Variants in TAS2R8 observed in about 807,000 individuals in gnomAD.
The protein encoded by TAS2R8 is taste 2 receptor member 8, also known as taste receptor type 2 member 8.
For missense variants in TAS2R8, 396 were observed against 358.1 expected (o/e 1.11, Z -0.85); for synonymous variants, 139 against 123.9 (o/e 1.12, Z -0.81).
chr12:10,806,093 A>G lies in TAS2R8; in HGVS notation c.888T>C (p.Phe296=), dbSNP rs746033652. The stretch of plus-strand genomic sequence containing the variant: ...TTTTTCTACATGTCAGCATTCTGAC[A>G]AATGTCTGCCTCAGTTTATTATTTA... ...IVLNNKLRQT[F]VRMLTCRKIA... The change falls in exon 1 of 1, where the codon TTT becomes TTC. Residue 296 remains phenylalanine, a synonymous_variant. Coordinates refer to ENST00000240615, the MANE Select transcript of TAS2R8 (RefSeq NM_023918.3). The G allele has an allele frequency of 1.9e-6, 3 of 1,607,480 alleles. No individual in the cohort carries two copies. The highest frequency in any genetic ancestry group is 2.5e-6 in the Non-Finnish European group (3 of 1,178,166).
rs868042630 is a variant in TAS2R8, at chr12:10,807,106, G to A, written c.-126C>T. On this transcript the variant is annotated 5_prime_UTR_variant, in exon 1 of 1. Transcript: ENST00000240615. ...TAATGTTTTCATCTGCTGTTATTTC[G>A]ACGTTGTTATTCTTCCGGAAGTGTT... is the stretch of plus-strand genomic sequence containing the variant. The A allele has an allele frequency of 1.1e-5, 9 of 799,082 alleles. No homozygotes were observed. The highest frequency in any genetic ancestry group is 7.0e-5 in the African/African-American group (4 of 57,526). 49.5% of individuals were successfully genotyped at this position (799,082 alleles called of 1,614,324 possible). A position where few individuals can be genotyped will look rare whatever the true frequency, so the allele number is the denominator to read the frequency against.
chr12:10,806,985 G>A lies in TAS2R8; in HGVS notation c.-5C>T, dbSNP rs779011775. 1 of 1,580,824 alleles carries A rather than the reference G, an allele frequency of 6.3e-7. No individual in the cohort carries two copies. The highest frequency in any genetic ancestry group is 1.8e-5 in the Admixed American group (1 of 56,184). On this transcript the variant is annotated 5_prime_UTR_variant, in exon 1 of 1. Coordinates refer to ENST00000240615, the MANE Select transcript of TAS2R8 (RefSeq NM_023918.3). ...GTTATCTGCAGGACTGAACATGTTT[G>A]TAGAGAGAACAATCTGATTTCAAAT...
Position 10,806,184 on chromosome 12 carries a change from G to A in TAS2R8, c.797C>T (p.Ala266Val), listed in dbSNP as rs1311740975. 11 of 1,613,580 alleles carry A rather than the reference G, an allele frequency of 6.8e-6. No homozygotes were observed. The highest frequency in any genetic ancestry group is 9.3e-6 in the Non-Finnish European group (11 of 1,179,798). The change falls in exon 1 of 1, where the codon GCT becomes GTT. Residue 266 changes from alanine (A) to valine (V), a missense_variant. Coordinates refer to ENST00000240615, the MANE Select transcript of TAS2R8 (RefSeq NM_023918.3). Reference sequence around the variant, plus strand: ...TGCTGCAATCTCTCCAAACTCCACAGCTAACTTGTATTTTGTCATAAGATA... The same window carrying A: ...TGCTGCAATCTCTCCAAACTCCACAACTAACTTGTATTTTGTCATAAGATA... ...FSYLMTKYKLAVEFGEIAAIL... is the reference protein window; with the variant it reads ...FSYLMTKYKLVVEFGEIAAIL...
rs570466081 is a variant in TAS2R8 at position 10,806,707 on chromosome 12, C to T, written c.274G>A (p.Ala92Thr). The change falls in exon 1 of 1, where the codon GCC becomes ACC. Residue 92 changes from alanine to threonine, a missense_variant. Ala to Thr is a moderately conservative substitution (Grantham distance 58). Transcript: ENST00000240615. The part of the protein sequence containing the change: ...QIVIFTFWTF[A>T]NYLNMWITTC... ...GTAATCCACATATTTAAGTAGTTGG[C>T]AAATGTCCAGAAGGTAAAAATGACT... 3.1e-6 allele frequency: 5 copies of T among 1,613,888 alleles called. No homozygotes were observed. In the East Asian group the frequency reaches 1.1e-4, roughly 36 times the overall value.
At chr12:10,806,176 ACTCCACAG>A in the TAS2R8 span, 1 of 1,613,566 alleles carries the variant, frequency 6.2e-7, no homozygotes, top group East Asian at 2.2e-5. Flanking sequence ...ATCTCTCCAA[ACTCCACAG>A]CTAACTTGTA....
chr12:10,807,140 C>T lies in TAS2R8; in HGVS notation c.-160G>A. The T allele has an allele frequency of 1.6e-6, 1 of 633,740 alleles. No homozygotes were observed. The highest frequency in any genetic ancestry group is 2.6e-6 in the Non-Finnish European group (1 of 378,780). The allele number at this position is 633,740 out of a possible 1,614,324, so 39.3% of individuals were successfully genotyped here. A position where few individuals can be genotyped will look rare whatever the true frequency, so the allele number is the denominator to read the frequency against. On this transcript the variant is annotated 5_prime_UTR_variant, in exon 1 of 1. Coordinates refer to ENST00000240615, the MANE Select transcript of TAS2R8 (RefSeq NM_023918.3). ...ATTCTTCCGGAAGTGTTCAGCTCTC[C>T]TCTGAAATAGGATTGTCTCTACACT...
Position 10,807,146 on chromosome 12 carries a change from A to G in TAS2R8, c.-166T>C. The G allele has an allele frequency of 1.6e-6, 1 of 618,638 alleles. No individual in the cohort carries two copies. Among genetic ancestry groups the G allele is most frequent in the African/African-American group, 1.9e-5 (1 of 54,030 alleles). 38.3% of individuals were successfully genotyped at this position (618,638 alleles called of 1,614,324 possible). ...CCGGAAGTGTTCAGCTCTCCTCTGA[A>G]ATAGGATTGTCTCTACACTCCTGAA... On this transcript the variant is annotated 5_prime_UTR_variant, in exon 1 of 1. Transcript: ENST00000240615.
At position 10,807,173 on chromosome 12, in the gene TAS2R8, A is replaced by C; in HGVS notation, c.-193T>G. 1 of 520,756 alleles carries C rather than the reference A, an allele frequency of 1.9e-6. No individual in the cohort carries two copies. The highest frequency in any genetic ancestry group is 3.3e-6 in the Non-Finnish European group (1 of 302,244). 32.3% of individuals were successfully genotyped at this position (520,756 alleles called of 1,614,324 possible). A position where few individuals can be genotyped will look rare whatever the true frequency, so the allele number is the denominator to read the frequency against. Reference sequence around the variant, plus strand: ...TAGGATTGTCTCTACACTCCTGAAGATGAAACCAACTAATGAGCAGCTTGA... The same window carrying C: ...TAGGATTGTCTCTACACTCCTGAAGCTGAAACCAACTAATGAGCAGCTTGA... On this transcript the variant is annotated 5_prime_UTR_variant, in exon 1 of 1. Transcript: ENST00000240615.
Position 10,806,824 on chromosome 12 carries a change from T to C in TAS2R8, c.157A>G (p.Ile53Val), listed in dbSNP as rs1254761701. 3 of 1,613,792 alleles carry C rather than the reference T, an allele frequency of 1.9e-6. No individual in the cohort carries two copies. The highest frequency in any genetic ancestry group is 1.3e-5 in the African/African-American group (1 of 74,928). The change falls in exon 1 of 1, where the codon ATC becomes GTC. Residue 53 changes from isoleucine to valine, a missense_variant. Ile to Val is a conservative substitution (Grantham distance 29, BLOSUM62 3). Transcript: ENST00000240615. ...ACACTGATCAAACAAATTCTGGCGA[T>C]AACTAAATTGGTAAGGATGTAGTCA... ...TVDYILTNLV[I>V]ARICLISVMV... is the part of the protein sequence containing the mutation.
In TAS2R8 at chr12:10,806,409, A is replaced by T. The variant is rs1235474510; in HGVS notation, c.572T>A (p.Ile191Asn). 3 of 1,613,706 alleles carry T rather than the reference A, an allele frequency of 1.9e-6. No homozygotes were observed. The highest frequency in any genetic ancestry group is 2.5e-6 in the Non-Finnish European group (3 of 1,179,848). Residue 191 changes from isoleucine to asparagine, a missense_variant, in exon 1 of 1, where the codon ATT (isoleucine) becomes AAT (asparagine). Coordinates refer to ENST00000240615, the MANE Select transcript of TAS2R8 (RefSeq NM_023918.3). ...EPLTLFNLFAIVPFIVSLISF... is the reference protein window; with the variant it reads ...EPLTLFNLFANVPFIVSLISF... ...TATCAGTGACACAATAAATGGGACA[A>T]TTGCAAACAGGTTAAAGAGAGTCAA...
rs972863299 is a variant in TAS2R8 at position 10,807,084 on chromosome 12, T to C, written c.-104A>G. ...ATCAATTCTTCGAATCATGCAATAATGTTTTCATCTGCTGTTATTTCGACG... is the reference window on the plus strand; with the variant it reads ...ATCAATTCTTCGAATCATGCAATAACGTTTTCATCTGCTGTTATTTCGACG... On this transcript the variant is annotated 5_prime_UTR_variant, in exon 1 of 1. Coordinates refer to ENST00000240615, the MANE Select transcript of TAS2R8 (RefSeq NM_023918.3). 39 of 910,164 alleles carry C rather than the reference T, an allele frequency of 4.3e-5. No individual in the cohort carries two copies. The Middle Eastern group carries it at 1.0e-3, about 23-fold the overall frequency. The allele number at this position is 910,164 out of a possible 1,614,324, so 56.4% of individuals were successfully genotyped here. A position where few individuals can be genotyped will look rare whatever the true frequency, so the allele number is the denominator to read the frequency against.
chr12:10,806,283 G>T lies in TAS2R8; in HGVS notation c.698C>A (p.Ala233Asp). The T allele has an allele frequency of 1.9e-6, 3 of 1,613,598 alleles. No homozygotes were observed. The highest frequency in any genetic ancestry group is 1.3e-5 in the African/African-American group (1 of 75,004). The change falls in exon 1 of 1, where the codon GCC becomes GAC. Residue 233 changes from alanine (A) to aspartate (D), a missense_variant. Transcript: ENST00000240615. Reference sequence around the variant, plus strand: ...GATAAATGAAGTCATAGTTTTAATGGCTCTCACATGAACTTCTGTGCTGGG... The same window carrying T: ...GATAAATGAAGTCATAGTTTTAATGTCTCTCACATGAACTTCTGTGCTGGG... ...RDPSTEVHVR[A>D]IKTMTSFIFF...
the TAS2R8 span, chr12:10,806,886 C>T: frequency 6.2e-7 from 1 of 1,612,766 alleles, no homozygotes; most frequent in Non-Finnish European, 8.5e-7. Flanking sequence ...CCAGTCAATC[C>T]AGTTGACTAG....
In TAS2R8 at chr12:10,807,248, G is replaced by A; in HGVS notation, c.-268C>T. On this transcript the variant is annotated 5_prime_UTR_variant, in exon 1 of 1. Coordinates refer to ENST00000240615, the MANE Select transcript of TAS2R8 (RefSeq NM_023918.3). ...TTATAATTATTATCCTTTAGTGAGT[G>A]ATACCTGAAATGTTTGGCTGAAATT... The A allele has an allele frequency of 2.9e-6, 1 of 341,462 alleles. No homozygotes were observed. Among genetic ancestry groups the A allele is most frequent in the East Asian group, 4.6e-5 (1 of 21,522 alleles). 21.2% of individuals were successfully genotyped at this position (341,462 alleles called of 1,614,324 possible). A position where few individuals can be genotyped will look rare whatever the true frequency, so the allele number is the denominator to read the frequency against.
chr12:10,806,148 G>A lies in TAS2R8; in HGVS notation c.833C>T (p.Pro278Leu). Reference sequence around the variant, plus strand: ...AATTAAAATAAGTGAGTGACCCAAGGGGTAGAGAATTGCTGCAATCTCTCC... The same window carrying A: ...AATTAAAATAAGTGAGTGACCCAAGAGGTAGAGAATTGCTGCAATCTCTCC... The part of the protein sequence containing the change: ...EFGEIAAILY[P>L]LGHSLILIVL... The change falls in exon 1 of 1, where the codon CCC (proline) becomes CTC (leucine). Residue 278 changes from proline (P) to leucine (L), a missense_variant. Transcript: ENST00000240615. The A allele has an allele frequency of 6.2e-7, 1 of 1,613,316 alleles. No homozygotes were observed. Among genetic ancestry groups the A allele is most frequent in the Non-Finnish European group, 8.5e-7 (1 of 1,179,738 alleles).
rs183665835 is a variant in TAS2R8, at chr12:10,807,167, C to T, written c.-187G>A. 2.2e-3 allele frequency: 1,189 copies of T among 538,882 alleles called. 2 individuals are homozygous for T. Among genetic ancestry groups the T allele is most frequent in the South Asian group, 0.012 (369 of 30,108 alleles). The allele number at this position is 538,882 out of a possible 1,614,324, so 33.4% of individuals were successfully genotyped here. On this transcript the variant is annotated 5_prime_UTR_variant, in exon 1 of 1. Transcript: ENST00000240615. The stretch of plus-strand genomic sequence containing the variant: ...CTGAAATAGGATTGTCTCTACACTC[C>T]TGAAGATGAAACCAACTAATGAGCA...
the TAS2R8 span, chr12:10,806,619 C>T: frequency 1.9e-6 from 3 of 1,613,802 alleles, no homozygotes; most frequent in Non-Finnish European, 2.5e-6. Flanking sequence ...CCACTTCAGC[C>T]AGAGAAAAAG....
At position 10,806,653 on chromosome 12, in the gene TAS2R8, T is replaced by G. The variant is rs188656178; in HGVS notation, c.328A>C (p.Lys110Gln). 14 of 1,613,952 alleles carry G rather than the reference T, an allele frequency of 8.7e-6. No individual in the cohort carries two copies. The South Asian group carries it at 1.4e-4, about 16-fold the overall frequency. ...TTCLNVFYFL[K>Q]IASSSHPLFL... is the part of the protein sequence containing the mutation. ...AGTGGATGAGAGGAACTGGCTATCT[T>G]CAGAAAATAGAAGACATTAAGGCAG... Residue 110 changes from lysine to glutamine, a missense_variant, in exon 1 of 1, where the codon AAG becomes CAG. Coordinates refer to ENST00000240615, the MANE Select transcript of TAS2R8 (RefSeq NM_023918.3).
rs765922160 is a variant in TAS2R8, at chr12:10,806,972, A to T, written c.9T>A (p.Ser3Arg). 8 of 1,600,964 alleles carry T rather than the reference A, an allele frequency of 5.0e-6. No individual in the cohort carries two copies. In the South Asian group the frequency reaches 9.0e-5, roughly 18 times the overall value. The change falls in exon 1 of 1, where the codon AGT (serine) becomes AGA (arginine). Residue 3 changes from serine (S) to arginine (R), a missense_variant. Ser to Arg is a moderately radical substitution (Grantham distance 110). Coordinates refer to ENST00000240615, the MANE Select transcript of TAS2R8 (RefSeq NM_023918.3). Reference sequence around the variant, plus strand: ...GGATTATAAAGATGTTATCTGCAGGACTGAACATGTTTGTAGAGAGAACAA... The same window carrying T: ...GGATTATAAAGATGTTATCTGCAGGTCTGAACATGTTTGTAGAGAGAACAA... MF[S>R]PADNIFIILI...
Sources: gnomAD v4.1 joint callset for allele counts on GRCh38, gnomAD v4.1.1 for gene constraint, MANE v1.5 for transcripts, NCBI Gene and HGNC (gene_info 2026-07-23, HGNC 2026-07-21) for gene names.